MAGEA3: variants seen among roughly 807,000 people sequenced by gnomAD.
The protein encoded by MAGEA3 is MAGE family member A3.
For synonymous variants in MAGEA3, 110 were observed against 102.2 expected (o/e 1.08, Z -0.46); for missense variants, 207 against 239.1 (o/e 0.87, Z 0.89).
chrX:152,700,822 C>T lies in MAGEA3; in HGVS notation c.-11C>T, dbSNP rs1931718078. 1 of 658,728 alleles carries T rather than the reference C, an allele frequency of 1.5e-6. No homozygotes were observed. The highest frequency in any genetic ancestry group is 2.5e-5 in the African/African-American group (1 of 39,673). 54.3% of individuals were successfully genotyped at this position (658,728 alleles called of 1,213,427 possible). On this transcript the variant is annotated 5_prime_UTR_variant, in exon 3 of 3. Transcript: ENST00000370278. ...CCCACACTCCCGCCTGTTGCCCTGA[C>T]CAGAGTCATCATGCCTCTTGAGCAG...
chrX:152,701,556 C>T lies in MAGEA3; in HGVS notation c.724C>T (p.Pro242Ser), dbSNP rs1556826867. 1.7e-6 allele frequency: 2 copies of T among 1,208,686 alleles called. No individual in the cohort carries two copies. Among genetic ancestry groups the T allele is most frequent in the Non-Finnish European group, 2.2e-6 (2 of 894,200 alleles). Residue 242 changes from proline (P) to serine (S), a missense_variant, in exon 3 of 3, where the codon CCC becomes TCC. Pro to Ser is a moderately conservative substitution (Grantham distance 74). Transcript: ENST00000370278. The stretch of plus-strand genomic sequence containing the variant: ...GAGGGAAGACAGTATCTTGGGGGAT[C>T]CCAAGAAGCTGCTCACCCAACATTT... ...EGREDSILGD[P>S]KKLLTQHFVQ...
Position 152,701,818 on chromosome X carries a change from C to T in MAGEA3, c.*41C>T, listed in dbSNP as rs1287120442. The T allele has an allele frequency of 2.3e-3, 2,627 of 1,164,018 alleles. 7 individuals are homozygous for T. Among genetic ancestry groups the T allele is most frequent in the Admixed American group, 2.9e-3 (125 of 43,374 alleles). On this transcript the variant is annotated 3_prime_UTR_variant, in exon 3 of 3. Coordinates refer to ENST00000370278, the MANE Select transcript of MAGEA3 (RefSeq NM_005362.4). ...GCAGCCAGGGCCAGTGGGAGGGGGT[C>T]TGGGCCAGTGCACCTTCCGGGGCCG...
At position 152,701,583 on chromosome X, in the gene MAGEA3, G is replaced by A. The variant is rs376647411; in HGVS notation, c.751G>A (p.Val251Met). Residue 251 changes from valine (V) to methionine (M), a missense_variant, in exon 3 of 3, where the codon GTG becomes ATG. Coordinates refer to ENST00000370278, the MANE Select transcript of MAGEA3 (RefSeq NM_005362.4). Reference protein sequence around the residue: ...DPKKLLTQHFVQENYLEYRQV... With the variant: ...DPKKLLTQHFMQENYLEYRQV... ...CAAGAAGCTGCTCACCCAACATTTC[G>A]TGCAGGAAAACTACCTGGAGTACCG... The A allele has an allele frequency of 8.9e-5, 107 of 1,209,009 alleles. No individual in the cohort carries two copies. Among genetic ancestry groups the A allele is most frequent in the South Asian group, 2.1e-4 (12 of 56,718 alleles).
At position 152,701,732 on chromosome X, in the gene MAGEA3, C is replaced by A. The variant is rs146645923; in HGVS notation, c.900C>A (p.Ser300=). The change falls in exon 3 of 3, where the codon TCC becomes TCA. Residue 300 remains serine (S), a synonymous_variant. Transcript: ENST00000370278. ...MVKISGGPHI[S]YPPLHEWVLR... ...AGATCAGTGGAGGACCTCACATTTC[C>A]TACCCACCCCTGCATGAGTGGGTTT... is the stretch of plus-strand genomic sequence containing the variant. The A allele has an allele frequency of 1.7e-6, 2 of 1,209,836 alleles. No individual in the cohort carries two copies. Among genetic ancestry groups the A allele is most frequent in the Middle Eastern group, 2.3e-4 (1 of 4,344 alleles).
chrX:152,701,971 G>T lies in MAGEA3; in HGVS notation c.*194G>T. The T allele has an allele frequency of 2.1e-6, 1 of 468,693 alleles. No homozygotes were observed. Among genetic ancestry groups the T allele is most frequent in the Non-Finnish European group, 3.6e-6 (1 of 274,092 alleles). 38.6% of individuals were successfully genotyped at this position (468,693 alleles called of 1,213,427 possible). On this transcript the variant is annotated 3_prime_UTR_variant, in exon 3 of 3. Coordinates refer to ENST00000370278, the MANE Select transcript of MAGEA3 (RefSeq NM_005362.4). ...ACTTTGAGATTATTCTTTGTTTCCT[G>T]TTGGAGTTGTTCAAATGTTCCTTTT...
rs782681690 is a variant in MAGEA3, at chrX:152,701,565, C to G, written c.733C>G (p.Leu245Val). The change falls in exon 3 of 3, where the codon CTG becomes GTG. Residue 245 changes from leucine (L) to valine (V), a missense_variant. Physicochemically the swap from Leu to Val is conservative, Grantham distance 32 (BLOSUM62 1). Coordinates refer to ENST00000370278, the MANE Select transcript of MAGEA3 (RefSeq NM_005362.4). ...EDSILGDPKK[L>V]LTQHFVQENY... is the part of the protein sequence containing the mutation. ...CAGTATCTTGGGGGATCCCAAGAAG[C>G]TGCTCACCCAACATTTCGTGCAGGA... 1 of 1,210,487 alleles carries G rather than the reference C, an allele frequency of 8.3e-7. No homozygotes were observed. The highest frequency in any genetic ancestry group is 3.0e-5 in the East Asian group (1 of 33,795).
Position 152,701,952 on chromosome X carries a change from A to G in MAGEA3, c.*175A>G. 1 of 501,880 alleles carries G rather than the reference A, an allele frequency of 2.0e-6. No individual in the cohort carries two copies. Among genetic ancestry groups the G allele is most frequent in the African/African-American group, 2.4e-5 (1 of 41,624 alleles). The allele number at this position is 501,880 out of a possible 1,213,427, so 41.4% of individuals were successfully genotyped here. On this transcript the variant is annotated 3_prime_UTR_variant, in exon 3 of 3. Coordinates refer to ENST00000370278, the MANE Select transcript of MAGEA3 (RefSeq NM_005362.4). The stretch of plus-strand genomic sequence containing the variant: ...GTTTCTGTTCTGTTGGATGACTTTG[A>G]GATTATTCTTTGTTTCCTGTTGGAG...
At position 152,701,157 on chromosome X, in the gene MAGEA3, C is replaced by A. The variant is rs782224756; in HGVS notation, c.325C>A (p.Leu109Ile). Residue 109 changes from leucine to isoleucine, a missense_variant, in exon 3 of 3, where the codon CTC becomes ATC. Leu to Ile is a conservative substitution (Grantham distance 5). Coordinates refer to ENST00000370278, the MANE Select transcript of MAGEA3 (RefSeq NM_005362.4). ...CCTGGAGTCCGAGTTCCAAGCAGCA[C>A]TCAGTAGGAAGGTGGCCGAGTTGGT... is the stretch of plus-strand genomic sequence containing the variant. ...PDLESEFQAA[L>I]SRKVAELVHF... 21 of 1,207,299 alleles carry A rather than the reference C, an allele frequency of 1.7e-5. No individual in the cohort carries two copies. The South Asian group carries it at 1.9e-4, about 11-fold the overall frequency.
rs1556826333 is a variant in MAGEA3, at chrX:152,701,247, G to T, written c.415G>T (p.Val139Phe). 1 of 1,209,640 alleles carries T rather than the reference G, an allele frequency of 8.3e-7. No individual in the cohort carries two copies. The highest frequency in any genetic ancestry group is 1.8e-5 in the South Asian group (1 of 56,829). Reference sequence around the variant, plus strand: ...CACAAAGGCAGAAATGCTGGGGAGTGTCGTCGGAAATTGGCAGTATTTCTT... The same window carrying T: ...CACAAAGGCAGAAATGCTGGGGAGTTTCGTCGGAAATTGGCAGTATTTCTT... ...PVTKAEMLGS[V>F]VGNWQYFFPV... Residue 139 changes from valine (V) to phenylalanine (F), a missense_variant, in exon 3 of 3, where the codon GTC becomes TTC. Coordinates refer to ENST00000370278, the MANE Select transcript of MAGEA3 (RefSeq NM_005362.4).
chrX:152,701,714 T>C lies in MAGEA3; in HGVS notation c.882T>C (p.Ser294=). The change falls in exon 3 of 3, where the codon AGT becomes AGC. Residue 294 remains serine, a synonymous_variant. Coordinates refer to ENST00000370278, the MANE Select transcript of MAGEA3 (RefSeq NM_005362.4). ...TCCTGCACCATATGGTAAAGATCAG[T>C]GGAGGACCTCACATTTCCTACCCAC... ...VKVLHHMVKI[S]GGPHISYPPL... The C allele has an allele frequency of 8.3e-7, 1 of 1,209,861 alleles. No individual in the cohort carries two copies.
chrX:152,700,881 G>A lies in MAGEA3; in HGVS notation c.49G>A (p.Glu17Lys). 1.0e-6 allele frequency: 1 copy of A among 959,011 alleles called. No individual in the cohort carries two copies. Among genetic ancestry groups the A allele is most frequent in the East Asian group, 3.2e-5 (1 of 31,115 alleles). 79.0% of individuals were successfully genotyped at this position (959,011 alleles called of 1,213,427 possible). Residue 17 changes from glutamate to lysine, a missense_variant, in exon 3 of 3, where the codon GAG becomes AAG. Glu to Lys is a moderately conservative substitution (Grantham distance 56, BLOSUM62 1). Coordinates refer to ENST00000370278, the MANE Select transcript of MAGEA3 (RefSeq NM_005362.4). ...GCACTGCAAGCCTGAAGAAGGCCTT[G>A]AGGCCCGAGGAGAGGCCCTGGGCCT... ...SQHCKPEEGL[E>K]ARGEALGLVG...
chrX:152,701,479 C>T lies in MAGEA3; in HGVS notation c.647C>T (p.Ala216Val). ...ATAATCGCAAGAGAGGGCGACTGTGCCCCTGAGGAGAAAATCTGGGAGGAG... is the reference window on the plus strand; with the variant it reads ...ATAATCGCAAGAGAGGGCGACTGTGTCCCTGAGGAGAAAATCTGGGAGGAG... ...LAIIAREGDC[A>V]PEEKIWEELS... The change falls in exon 3 of 3, where the codon GCC (alanine) becomes GTC (valine). Residue 216 changes from alanine to valine, a missense_variant. By Grantham distance (64) the Ala-to-Val change is moderately conservative (BLOSUM62 0). Transcript: ENST00000370278. The T allele has an allele frequency of 5.0e-6, 6 of 1,210,251 alleles. No individual in the cohort carries two copies. The highest frequency in any genetic ancestry group is 1.7e-5 in the African/African-American group (1 of 57,761).
rs1163328538 is a variant in MAGEA3 at position 152,701,531 on chromosome X, G to T, written c.699G>T (p.Gly233=). The part of the protein sequence containing the change: ...EELSVLEVFE[G]REDSILGDPK... ...TGAGTGTGTTAGAGGTGTTTGAGGG[G>T]AGGGAAGACAGTATCTTGGGGGATC... Residue 233 remains glycine, a synonymous_variant, in exon 3 of 3, where the codon GGG becomes GGT. Coordinates refer to ENST00000370278, the MANE Select transcript of MAGEA3 (RefSeq NM_005362.4). 3.3e-6 allele frequency: 4 copies of T among 1,208,892 alleles called. No homozygotes were observed. Among genetic ancestry groups the T allele is most frequent in the Non-Finnish European group, 4.5e-6 (4 of 894,293 alleles).
chrX:152,701,389 A>G lies in MAGEA3; in HGVS notation c.557A>G (p.Tyr186Cys), dbSNP rs781824026. 2.5e-6 allele frequency: 3 copies of G among 1,208,672 alleles called. No individual in the cohort carries two copies. The African/African-American group carries it at 5.2e-5, about 21-fold the overall frequency. Reference protein sequence around the residue: ...YIFATCLGLSYDGLLGDNQIM... With the variant: ...YIFATCLGLSCDGLLGDNQIM... Reference sequence around the variant, plus strand: ...TTTGCCACCTGCCTGGGCCTCTCCTACGATGGCCTGCTGGGTGACAATCAG... The same window carrying G: ...TTTGCCACCTGCCTGGGCCTCTCCTGCGATGGCCTGCTGGGTGACAATCAG... Residue 186 changes from tyrosine to cysteine, a missense_variant, in exon 3 of 3, where the codon TAC becomes TGC. Transcript: ENST00000370278.
rs1254612422 is a variant in MAGEA3 at position 152,702,100 on chromosome X, A to C, written c.*323A>C. On this transcript the variant is annotated 3_prime_UTR_variant, in exon 3 of 3. Transcript: ENST00000370278. ...GAGTAAGAGTCTTGTTTTTTACTCA[A>C]ATTGGGAAATCCATTCCATTTTGTG... 14 of 307,806 alleles carry C rather than the reference A, an allele frequency of 4.5e-5. No individual in the cohort carries two copies. The highest frequency in any genetic ancestry group is 1.3e-4 in the East Asian group (2 of 15,643). 25.4% of individuals were successfully genotyped at this position (307,806 alleles called of 1,213,427 possible).
Position 152,701,648 on chromosome X carries a change from G to T in MAGEA3, c.816G>T (p.Leu272=). 8.3e-6 allele frequency: 10 copies of T among 1,210,399 alleles called. No individual in the cohort carries two copies. The highest frequency in any genetic ancestry group is 1.1e-5 in the Non-Finnish European group (10 of 894,497). Residue 272 remains leucine (L), a synonymous_variant, in exon 3 of 3, where the codon CTG becomes CTT. Coordinates refer to ENST00000370278, the MANE Select transcript of MAGEA3 (RefSeq NM_005362.4). ...PGSDPACYEF[L]WGPRALVETS... is the part of the protein sequence containing the mutation. ...GTGATCCTGCATGTTATGAATTCCT[G>T]TGGGGTCCAAGGGCCCTCGTTGAAA... is the stretch of plus-strand genomic sequence containing the variant.
In MAGEA3 at chrX:152,701,743, T is replaced by A. The variant is rs2124948092; in HGVS notation, c.911T>A (p.Leu304Gln). Residue 304 changes from leucine to glutamine, a missense_variant, in exon 3 of 3, where the codon CTG (leucine) becomes CAG (glutamine). Physicochemically the swap from Leu to Gln is moderately radical, Grantham distance 113. Transcript: ENST00000370278. ...SGGPHISYPPLHEWVLREGEE is the reference protein window; with the variant it reads ...SGGPHISYPPQHEWVLREGEE ...GGACCTCACATTTCCTACCCACCCC[T>A]GCATGAGTGGGTTTTGAGAGAGGGG... 8.3e-7 allele frequency: 1 copy of A among 1,207,789 alleles called. No individual in the cohort carries two copies. The highest frequency in any genetic ancestry group is 1.7e-5 in the African/African-American group (1 of 57,176).
rs781867592 is a variant in MAGEA3 at position 152,701,540 on chromosome X, C to T, written c.708C>T (p.Asp236=). The T allele has an allele frequency of 9.1e-6, 11 of 1,208,825 alleles. No individual in the cohort carries two copies. The African/African-American group carries it at 1.2e-4, about 13-fold the overall frequency. Residue 236 remains aspartate (D), a synonymous_variant, in exon 3 of 3, where the codon GAC becomes GAT. Coordinates refer to ENST00000370278, the MANE Select transcript of MAGEA3 (RefSeq NM_005362.4). The part of the protein sequence containing the change: ...SVLEVFEGRE[D]SILGDPKKLL... ...TAGAGGTGTTTGAGGGGAGGGAAGA[C>T]AGTATCTTGGGGGATCCCAAGAAGC...
rs1347109802 is a variant in MAGEA3 at position 152,700,732 on chromosome X, C to G, written c.-65-36C>G. 27 of 558,389 alleles carry G rather than the reference C, an allele frequency of 4.8e-5. 1 individual carries two copies. Among genetic ancestry groups the G allele is most frequent in the Admixed American group, 4.3e-4 (19 of 44,095 alleles). The allele number at this position is 558,389 out of a possible 1,213,427, so 46.0% of individuals were successfully genotyped here. A position where few individuals can be genotyped will look rare whatever the true frequency, so the allele number is the denominator to read the frequency against. ...AGCCTCCAAGGTTCCATTCAGTACT[C>G]AGCTGAGGTCTCTCACATGCTCCCT... On this transcript the variant is annotated intron_variant, in intron 2 of 2. Transcript: ENST00000370278.
Sources: gnomAD v4.1 joint callset for allele counts on GRCh38, gnomAD v4.1.1 for gene constraint, MANE v1.5 for transcripts, NCBI Gene and HGNC (gene_info 2026-07-23, HGNC 2026-07-21) for gene names.